Variants in POLR2F observed in about 807,000 individuals in gnomAD.
POLR2F encodes the protein RNA polymerase II, I and III subunit F.
In POLR2F, 12 loss-of-function variants were observed where a neutral mutation model predicts 22.7. The ratio of observed to expected loss-of-function variants is 0.53; its 90% CI spans 0.34 to 0.86. The LOEUF is 0.86. Ranked by LOEUF, POLR2F falls within the 40% of genes least tolerant of loss-of-function variation. POLR2F has a pLI of 0.02. For synonymous variants in POLR2F, 57 were observed against 66.0 expected (o/e 0.86, Z 0.66); for missense variants, 126 against 171.5 (o/e 0.73, Z 1.48).
intron 1 of POLR2F, among the ~76,000 whole-genome samples, chr22:37,992,390 C>CTT (rs922923630): frequency 1.4e-5 from 2 of 145,574 alleles, no homozygotes; most frequent in Non-Finnish European, 3.0e-5. Flanking sequence ...ATTGCTTCTT[C>CTT]TTTTTTTTTT....
chr22:38,036,197 G>A (rs1201414816), intron 5 of POLR2F, among the ~76,000 whole-genome samples: 2 of 151,460 alleles, frequency 1.3e-5, no homozygotes, highest in South Asian at 2.1e-4. Context: ...GGCTGGTCTC[G>A]AGCCCCTGAC....
chr22:37,963,529 T>A (rs1351955052), intron 3 of POLR2F, among the ~76,000 whole-genome samples: 1 of 151,924 alleles, frequency 6.6e-6, no homozygotes, highest in Non-Finnish European at 1.5e-5. Flanking sequence ...TGCTTCAGCC[T>A]CCAAAGTGCT....
intron 5 of POLR2F, among the ~76,000 whole-genome samples, chr22:38,038,863 G>C (rs891011812): frequency 6.6e-6 from 1 of 150,470 alleles, no homozygotes; most frequent in Non-Finnish European, 1.5e-5. Context: ...CCCAGCGCCT[G>C]CACTGGCGGC....
At chr22:37,992,275 G>A (rs1200373212) in intron 1 of POLR2F, among the ~76,000 whole-genome samples, 4 of 152,210 alleles carry the variant, frequency 2.6e-5, no homozygotes, top group Admixed American at 2.6e-4. Flanking sequence ...ACTTAAGACA[G>A]GGTCTGGCAC....
At chr22:37,959,974 T>C (rs1931563390) in intron 3 of POLR2F, among the ~76,000 whole-genome samples, 1 of 19,762 alleles carries the variant, frequency 5.1e-5, no homozygotes, top group South Asian at 1.4e-3. Flanking sequence ...TAACTAATTG[T>C]TGTGTTTTTA....
chr22:38,017,488 A>C lies in POLR2F; in HGVS notation c.121-8381A>C, dbSNP rs1175567615. 6.6e-6 allele frequency among the ~76,000 whole-genome samples: 1 copy of C among 152,144 alleles called. No individual in the cohort carries two copies. The highest frequency in any genetic ancestry group is 2.4e-5 in the African/African-American group (1 of 41,432). On this transcript the variant is annotated intron_variant, in intron 1 of 2. Transcript: ENST00000333418. The surrounding 1 kb of genome is among the most constrained non-coding windows in gnomAD (Gnocchi z 4.1). ...GCCAAGGGCTCCCAAGTTGTTCGCC[A>C]TCTCTGGGCCTGTGGGTGTCTCCCT...
At chr22:38,032,040 C>G (rs574335751) in intron 5 of POLR2F, 1 of 152,114 alleles carries the variant, frequency 6.6e-6, no homozygotes. Flanking sequence ...CTCCGTGGCC[C>G]AGGTTGGAGT....
chr22:37,967,401 C>G, intron 4 of POLR2F: 2 of 1,435,870 alleles, frequency 1.4e-6, no homozygotes, highest in Non-Finnish European at 1.8e-6. Context: ...TTTCCCTGTT[C>G]CTGCTGCAGG....
At position 38,004,051 on chromosome 22, in the gene POLR2F, G is replaced by A. The variant is rs145365760; in HGVS notation, c.120+17739G>A. ...GTTGCCCAGGCTGGAGTGCAGTGGC[G>A]TGACATAGCTCGTTGCAGCCTCAAG... is the stretch of plus-strand genomic sequence containing the variant. On this transcript the variant is annotated intron_variant, in intron 1 of 2. Coordinates refer to the POLR2F transcript ENST00000333418. 1.2e-4 allele frequency among the ~76,000 whole-genome samples: 18 copies of A among 152,210 alleles called. No homozygotes were observed. The East Asian group carries it at 3.1e-3, about 26-fold the overall frequency.
intron 1 of POLR2F, among the ~76,000 whole-genome samples, chr22:38,011,991 G>A (rs1453562936): frequency 6.6e-6 from 1 of 151,378 alleles, no homozygotes; most frequent in Admixed American, 6.6e-5. Context: ...GCATAATAAA[G>A]CACCAAGCAA....
chr22:38,015,303 G>A (rs73417856), intron 1 of POLR2F, among the ~76,000 whole-genome samples: 3,788 of 152,328 alleles, frequency 0.025, 155 homozygotes, highest in African/African-American at 0.086. Flanking sequence ...GGGATGGTTT[G>A]TGGGGAGCAG....
intron 1 of POLR2F, among the ~76,000 whole-genome samples, chr22:37,998,734 A>G (rs931760670): frequency 2.6e-5 from 4 of 152,014 alleles, no homozygotes; most frequent in East Asian, 3.9e-4. Context: ...GAAGAGAACA[A>G]GGGGCCCATT....
At chr22:38,033,644 C>A (rs73417898) in intron 5 of POLR2F, among the ~76,000 whole-genome samples, 4 of 152,214 alleles carry the variant, frequency 2.6e-5, no homozygotes, top group African/African-American at 9.7e-5. Flanking sequence ...CTGGCCCCGG[C>A]GGAGCGGGAG....
intron 1 of POLR2F, chr22:38,025,783 C>T (rs556943857): frequency 7.5e-5 from 117 of 1,551,062 alleles, no homozygotes; most frequent in Non-Finnish European, 9.7e-5. Context: ...GGCACTCAAT[C>T]TGCACCCTCT....
intron 1 of POLR2F, among the ~76,000 whole-genome samples, chr22:38,024,031 C>G (rs564635304): frequency 6.6e-6 from 1 of 151,438 alleles, no homozygotes; most frequent in African/African-American, 2.4e-5. Flanking sequence ...TTAGTAGAGA[C>G]GGGGGTTTCA....
chr22:37,995,086 G>T (rs754823781), intron 1 of POLR2F, among the ~76,000 whole-genome samples: 6 of 152,214 alleles, frequency 3.9e-5, no homozygotes, highest in Admixed American at 6.5e-5. Context: ...CAAGGTCCCA[G>T]CTCCTGCTGT....
intron 1 of POLR2F, among the ~76,000 whole-genome samples, chr22:38,015,085 C>T (rs2084905378): frequency 6.6e-6 from 1 of 152,174 alleles, no homozygotes; most frequent in Non-Finnish European, 1.5e-5. Flanking sequence ...GGATTACAGG[C>T]ATGAGCCACC....
At chr22:37,973,410 A>G (rs1932117519), downstream of POLR2F, 11 of 908,060 alleles carry the variant, frequency 1.2e-5, no homozygotes, top group South Asian at 1.7e-4. Flanking sequence ...CTCCACTGCC[A>G]CCACCAGGCC....
intron 1 of POLR2F, among the ~76,000 whole-genome samples, chr22:38,007,203 A>T (rs1036257421): frequency 1.6e-4 from 25 of 152,170 alleles, no homozygotes; most frequent in African/African-American, 5.3e-4. Context: ...GATGAGAGAG[A>T]CCATGTCTCC....
Sources: gnomAD v4.1 joint callset for allele counts (sites outside exome capture counted in the v4.1 genomes callset) on GRCh38, gnomAD v4.1.1 for gene constraint, Gnocchi (gnomAD v3.1) non-coding constraint, MANE v1.5 for transcripts, NCBI Gene and HGNC (gene_info 2026-07-23, HGNC 2026-07-21) for gene names.